Variants in GNE observed in about 807,000 individuals in gnomAD.
GNE encodes bifunctional UDP-N-acetylglucosamine 2-epimerase/N-acetylmannosamine kinase.
Under a neutral mutation model 61.8 loss-of-function variants are expected in GNE, and 41 were observed. The ratio of observed to expected loss-of-function variants is 0.66; its 90% confidence interval spans 0.52 to 0.86. The LOEUF (loss-of-function observed/expected upper bound fraction) is 0.86, where lower values mean the gene tolerates loss of function less well. Ranked by LOEUF, GNE falls within the 40% of genes least tolerant of loss-of-function variation. The pLI is 0.00. For synonymous variants in GNE, 264 were observed against 326.4 expected (o/e 0.81, Z 2.06); for missense variants, 608 against 909.1 (o/e 0.67, Z 4.26).
At chr9:36,226,853 T>C (rs1828889222) in intron 7 of GNE, among the ~76,000 whole-genome samples, 1 of 152,168 alleles carries the variant, frequency 6.6e-6, no homozygotes, top group South Asian at 2.1e-4. Context: ...TCCACACAAC[T>C]GATCACATTC....
In GNE at chr9:36,228,793, C is replaced by CA. The variant is rs71336431; in HGVS notation, c.1070+227dup. ...TGGGCAACAGATCAAGAGTCCATCT[C>CA]AAAAAAAAAAAAAAAAAAAAGAAAT... On this transcript the variant is annotated intron_variant, in intron 6 of 11. Transcript: ENST00000642385. 0.2 allele frequency among the ~76,000 whole-genome samples: 14,383 copies of CA among 71,906 alleles called. 1,495 individuals carry two copies. The highest frequency in any genetic ancestry group is 0.29 in the Non-Finnish European group (10,141 of 35,434). The allele number at this position is 71,906 out of a possible 152,430, so 47.2% of individuals were successfully genotyped here. A position where few individuals can be genotyped will look rare whatever the true frequency, so the allele number is the denominator to read the frequency against.
chr9:36,221,377 A>G (rs1283041451), intron 9 of GNE, among the ~76,000 whole-genome samples: 1 of 152,234 alleles, frequency 6.6e-6, no homozygotes, highest in African/African-American at 2.4e-5. Context: ...GTTTAAGCAC[A>G]TACAAGTTTT....
At chr9:36,257,076 C>T (rs1830384234) in intron 1 of GNE, among the ~76,000 whole-genome samples, 2 of 152,064 alleles carry the variant, frequency 1.3e-5, no homozygotes, top group African/African-American at 4.8e-5. Flanking sequence ...TGGTGGCAGG[C>T]GCCTGTAATC....
chr9:36,276,838 T>C, intron 1 of GNE: 3 of 1,349,352 alleles, frequency 2.2e-6, no homozygotes, highest in African/African-American at 1.5e-5. Context: ...TTTTCCCCCC[T>C]TTTTTTCTGA....
At chr9:36,224,690 G>A (rs1828774833) in intron 7 of GNE, among the ~76,000 whole-genome samples, 1 of 151,908 alleles carries the variant, frequency 6.6e-6, no homozygotes, top group Non-Finnish European at 1.5e-5. Context: ...CGCAATAAGA[G>A]GAAATCCCAT....
At position 36,236,883 on chromosome 9, in the gene GNE, G is replaced by A; in HGVS notation, c.718C>T (p.Leu240Phe). 2 of 1,613,262 alleles carry A rather than the reference G, an allele frequency of 1.2e-6. No individual in the cohort carries two copies. Among genetic ancestry groups the A allele is most frequent in the African/African-American group, 1.3e-5 (1 of 75,046 alleles). The part of the protein sequence containing the change: ...IKMFELTLDA[L>F]ISFNKRTLVL... ...AGGGTCCGCTTGTTAAATGAGATAA[G>A]TGCATCCAATGTTAATTCAAACATT... Residue 240 changes from leucine (L) to phenylalanine (F), a missense_variant, in exon 4 of 12, where the codon CTT becomes TTT. Physicochemically the swap from Leu to Phe is conservative, Grantham distance 22. Transcript: ENST00000642385.
At chr9:36,233,785 A>G in intron 5 of GNE, 135 bp downstream of exon 5, 1 of 776,242 alleles carries the variant, frequency 1.3e-6, no homozygotes, top group South Asian at 1.4e-5. Context: ...TATAGATTTT[A>G]GGCTTCAACT....
At chr9:36,224,278 C>T (rs1315795407) in intron 7 of GNE, among the ~76,000 whole-genome samples, 2 of 151,514 alleles carry the variant, frequency 1.3e-5, no homozygotes, top group Non-Finnish European at 2.9e-5. Flanking sequence ...CTCCTCTCTA[C>T]AAAAAATTAG....
At chr9:36,274,295 TA>T (rs1831167599) in intron 1 of GNE, among the ~76,000 whole-genome samples, 1 of 152,000 alleles carries the variant, frequency 6.6e-6, no homozygotes, top group South Asian at 2.1e-4. Context: ...AGGGTCTCGC[TA>T]TGTTGCCCAG....
intron 3 of GNE, among the ~76,000 whole-genome samples, chr9:36,237,665 T>C (rs1469911784): frequency 1.3e-5 from 2 of 152,096 alleles, no homozygotes; most frequent in Non-Finnish European, 2.9e-5. Context: ...TAATTAAGTT[T>C]ATTTATTTTT....
chr9:36,251,064 A>C (rs936195699), intron 1 of GNE, among the ~76,000 whole-genome samples: 1 of 152,178 alleles, frequency 6.6e-6, no homozygotes, highest in Admixed American at 6.6e-5. Flanking sequence ...AGTGCCAGCC[A>C]TACCAAACTG....
intron 2 of GNE, 81 bp from the exon 3 acceptor site, chr9:36,246,563 C>A: frequency 1.2e-6 from 1 of 866,926 alleles, no homozygotes; most frequent in Non-Finnish European, 1.9e-6. Flanking sequence ...AATCTAACAC[C>A]AACTCTGAAG....
At chr9:36,274,792 T>G (rs1268052295) in intron 1 of GNE, among the ~76,000 whole-genome samples, 1 of 151,832 alleles carries the variant, frequency 6.6e-6, no homozygotes, top group African/African-American at 2.4e-5. Context: ...GCGCGATCTC[T>G]GTTCACTGCA....
intron 7 of GNE, among the ~76,000 whole-genome samples, chr9:36,224,933 C>T (rs1013374059): frequency 6.6e-6 from 1 of 152,054 alleles, no homozygotes; most frequent in Non-Finnish European, 1.5e-5. Flanking sequence ...GATAGTCCCT[C>T]CTGATTACTT....
At chr9:36,220,490 T>C (rs563332946) in intron 9 of GNE, among the ~76,000 whole-genome samples, 175 of 152,244 alleles carry the variant, frequency 1.1e-3, no homozygotes, top group African/African-American at 3.9e-3. Context: ...TCTTAGGAGG[T>C]GCTAGTGGAG....
chr9:36,225,435 G>A (rs1309453997), intron 7 of GNE, among the ~76,000 whole-genome samples: 1 of 152,118 alleles, frequency 6.6e-6, no homozygotes, highest in Non-Finnish European at 1.5e-5. Flanking sequence ...AGGAGTTCAA[G>A]ACCAGCCTGG....
At chr9:36,264,666 C>T (rs1830710314) in intron 1 of GNE, among the ~76,000 whole-genome samples, 1 of 152,160 alleles carries the variant, frequency 6.6e-6, no homozygotes, top group Non-Finnish European at 1.5e-5. Context: ...GACTAAGAAT[C>T]CCTAGGCCTA....
Position 36,236,896 on chromosome 9 carries a change from T to G in GNE, c.705A>C (p.Leu235Phe). Residue 235 changes from leucine (L) to phenylalanine (F), a missense_variant, in exon 4 of 12, where the codon TTA (leucine) becomes TTC (phenylalanine). Leu to Phe is a conservative substitution (Grantham distance 22). Coordinates refer to ENST00000642385, the MANE Select transcript of GNE (RefSeq NM_005476.7). ...DIKHSIKMFE[L>F]TLDALISFNK... The stretch of plus-strand genomic sequence containing the variant: ...TAAATGAGATAAGTGCATCCAATGT[T>G]AATTCAAACATTTTTATGGAATGCT... 1 of 1,612,928 alleles carries G rather than the reference T, an allele frequency of 6.2e-7. No homozygotes were observed. The highest frequency in any genetic ancestry group is 1.3e-5 in the African/African-American group (1 of 75,050).
chr9:36,248,762 CTTTA>C (rs760547525), intron 2 of GNE, among the ~76,000 whole-genome samples: 3 of 152,178 alleles, frequency 2.0e-5, no homozygotes, highest in South Asian at 2.1e-4. Flanking sequence ...ATATCTACTA[CTTTA>C]TATGCTGTTG....
Sources: gnomAD v4.1 joint callset for allele counts (sites outside exome capture counted in the v4.1 genomes callset) on GRCh38, gnomAD v4.1.1 for gene constraint, MANE v1.5 for transcripts, NCBI Gene and HGNC (gene_info 2026-07-23, HGNC 2026-07-21) for gene names.